Variants in TSEN2 observed in about 807,000 individuals in gnomAD.
TSEN2 encodes tRNA-splicing endonuclease subunit Sen2.
Under a neutral mutation model 59.2 loss-of-function variants are expected in TSEN2, and 54 were observed. The observed-to-expected ratio is 0.91, with a 90% CI of 0.73 to 1.14. The LOEUF (loss-of-function observed/expected upper bound fraction) is 1.14, where lower values mean the gene tolerates loss of function less well. Among genes scored for constraint, TSEN2 ranks in the 50% most tolerant of loss-of-function variants. The probability of loss-of-function intolerance (pLI) is 0.00; values close to 1 mark genes in which losing one functional copy is unlikely to be tolerated. For missense variants in TSEN2, 636 were observed against 576.2 expected (o/e 1.10, Z -1.06); for synonymous variants, 195 against 198.2 (o/e 0.98, Z 0.14).
intron 1 of TSEN2, among the ~76,000 whole-genome samples, chr3:12,487,882 T>C (rs1389817681): frequency 6.6e-6 from 1 of 152,242 alleles, no homozygotes; most frequent in African/African-American, 2.4e-5. Context: ...TAATGCTCAG[T>C]ATGTAATTCC....
intron 8 of TSEN2, among the ~76,000 whole-genome samples, chr3:12,524,353 C>T (rs549972774): frequency 4.6e-5 from 7 of 152,190 alleles, no homozygotes; most frequent in Non-Finnish European, 7.3e-5. Flanking sequence ...CATTCTGTCA[C>T]AGTTCTAGGG....
chr3:12,497,529 G>A (rs1371789497), intron 4 of TSEN2, among the ~76,000 whole-genome samples: 1 of 152,194 alleles, frequency 6.6e-6, no homozygotes, highest in Non-Finnish European at 1.5e-5. Flanking sequence ...GGAGGGACCT[G>A]CTAAGAACCT....
chr3:12,500,693 T>G (rs1373694438), intron 4 of TSEN2, among the ~76,000 whole-genome samples: 1 of 152,250 alleles, frequency 6.6e-6, no homozygotes, highest in Non-Finnish European at 1.5e-5. Flanking sequence ...TTATGGGCTA[T>G]GCACTTTACG....
At chr3:12,505,401 C>A in intron 6 of TSEN2, 170 bp downstream of exon 6, 1 of 630,656 alleles carries the variant, frequency 1.6e-6, no homozygotes. Context: ...TTTCACTCCT[C>A]AGCCTTTATT....
downstream of TSEN2, among the ~76,000 whole-genome samples, chr3:12,534,211 G>T (rs990841293): frequency 6.6e-6 from 1 of 152,220 alleles, no homozygotes; most frequent in African/African-American, 2.4e-5. Flanking sequence ...GTGGGGTGCA[G>T]CCTGAAGCCC....
At chr3:12,494,213 G>A (rs1273691949) in intron 3 of TSEN2, among the ~76,000 whole-genome samples, 1 of 151,494 alleles carries the variant, frequency 6.6e-6, no homozygotes, top group East Asian at 1.9e-4. Context: ...CATCAGGAGA[G>A]GACCTGTGGA....
Position 12,529,844 on chromosome 3 carries a change from T to C in TSEN2, c.1219T>C (p.Leu407=). The part of the protein sequence containing the change: ...RPLSWKSLAA[L]SRVSVNVSKE... ...TCTCAGTTGGAAGTCCCTGGCTGCC[T>C]TGAGCAGAGTTTCCGTTAATGTCTC... Residue 407 remains leucine, a synonymous_variant, in exon 10 of 12, where the codon TTG becomes CTG. Coordinates refer to ENST00000284995, the MANE Select transcript of TSEN2 (RefSeq NM_025265.4). The C allele has an allele frequency of 6.2e-7, 1 of 1,614,200 alleles. No homozygotes were observed. Among genetic ancestry groups the C allele is most frequent in the South Asian group, 1.1e-5 (1 of 91,080 alleles).
Position 12,531,670 on chromosome 3 carries a change from T to C in TSEN2, c.1338+11T>C. The C allele has an allele frequency of 6.6e-7, 1 of 1,525,732 alleles. No homozygotes were observed. The highest frequency in any genetic ancestry group is 2.2e-5 in the East Asian group (1 of 44,508). 94.5% of individuals were successfully genotyped at this position (1,525,732 alleles called of 1,614,324 possible). A position where few individuals can be genotyped will look rare whatever the true frequency, so the allele number is the denominator to read the frequency against. On this transcript the variant is annotated intron_variant, in intron 11 of 11. Transcript: ENST00000284995. The stretch of plus-strand genomic sequence containing the variant: ...AGGATTAAAGTTCAGGTGGGTAAAC[T>C]CAGAGAAATTCATGTCATCCCAAAG...
chr3:12,497,027 A>G (rs1178907339), intron 4 of TSEN2, among the ~76,000 whole-genome samples: 1 of 152,086 alleles, frequency 6.6e-6, no homozygotes, highest in Non-Finnish European at 1.5e-5. Context: ...TGATTCCTGC[A>G]TGTGCTCAAT....
downstream of TSEN2, among the ~76,000 whole-genome samples, chr3:12,536,427 T>C (rs1210104011): frequency 2.6e-5 from 4 of 152,082 alleles, no homozygotes; most frequent in Admixed American, 6.6e-5. Context: ...CCCATGAACA[T>C]TGATTGAGTC....
chr3:12,537,119 A>T (rs2057689620), downstream of TSEN2, among the ~76,000 whole-genome samples: 1 of 152,078 alleles, frequency 6.6e-6, no homozygotes, highest in African/African-American at 2.4e-5. Context: ...AGAAATGGGG[A>T]CCATCTAAAG....
At chr3:12,516,147 A>G (rs1227931242) in intron 6 of TSEN2, among the ~76,000 whole-genome samples, 1 of 152,154 alleles carries the variant, frequency 6.6e-6, no homozygotes, top group African/African-American at 2.4e-5. Context: ...ACTTTTGGCC[A>G]GGTGTGGTGG....
chr3:12,529,787 G>A lies in TSEN2; in HGVS notation c.1162G>A (p.Asp388Asn). The change falls in exon 10 of 12, where the codon GAT (aspartate) becomes AAT (asparagine). Residue 388 changes from aspartate (D) to asparagine (N), a missense_variant. Asp to Asn is a conservative substitution (Grantham distance 23). Transcript: ENST00000284995. ...TTATTCTGTCATTATCGAGCTAGTT[G>A]ATGACCATTTTGAAGGCTCTCTCCG... ...ASYSVIIELVDDHFEGSLRRP... is the reference protein window; with the variant it reads ...ASYSVIIELVNDHFEGSLRRP... The A allele has an allele frequency of 6.2e-7, 1 of 1,614,074 alleles. No individual in the cohort carries two copies. The highest frequency in any genetic ancestry group is 8.5e-7 in the Non-Finnish European group (1 of 1,180,012).
At chr3:12,487,180 A>G (rs2052702398) in intron 1 of TSEN2, among the ~76,000 whole-genome samples, 1 of 152,238 alleles carries the variant, frequency 6.6e-6, no homozygotes. Flanking sequence ...GCAAGGTCAC[A>G]CAATAATAAT....
At position 12,503,592 on chromosome 3, in the gene TSEN2, T is replaced by C. The variant is rs3796329; in HGVS notation, c.639T>C (p.Asp213=). The change falls in exon 5 of 12, where the codon GAT becomes GAC. Residue 213 remains aspartate, a synonymous_variant. Transcript: ENST00000284995. ...GCTTTGAGAAAAGCGTGCGAGAGGA[T>C]GCCTCACCTCTGCCCCATGTCTGTT... ...TESFEKSVRE[D]ASPLPHVCCC... 29,031 of 1,598,752 alleles carry C rather than the reference T, an allele frequency of 0.018. 501 individuals are homozygous for C. Among genetic ancestry groups the C allele is most frequent in the South Asian group, 0.056 (4,950 of 89,066 alleles).
At chr3:12,522,805 T>A (rs2056756537) in intron 8 of TSEN2, among the ~76,000 whole-genome samples, 1 of 152,174 alleles carries the variant, frequency 6.6e-6, no homozygotes, top group African/African-American at 2.4e-5. Context: ...GGTTCTCAAA[T>A]CAAGTGCAGC....
chr3:12,537,260 G>A (rs1278771416), downstream of TSEN2, among the ~76,000 whole-genome samples: 1 of 151,932 alleles, frequency 6.6e-6, no homozygotes, highest in Non-Finnish European at 1.5e-5. Context: ...TTAGCTGGGT[G>A]TGGTAGCATG....
intron 10 of TSEN2, chr3:12,530,660 G>T (rs2057400482): frequency 2.0e-6 from 2 of 985,412 alleles, no homozygotes; most frequent in Non-Finnish European, 1.2e-6. Context: ...TTTAGAGCAG[G>T]TTAGGTTGCC....
chr3:12,526,863 T>G (rs7649852), intron 8 of TSEN2, among the ~76,000 whole-genome samples: 5,003 of 152,312 alleles, frequency 0.033, 270 homozygotes, highest in African/African-American at 0.11. Context: ...TGAGCTACTT[T>G]GAAGCTGTGT....
Sources: gnomAD v4.1 joint callset for allele counts (sites outside exome capture counted in the v4.1 genomes callset) on GRCh38, gnomAD v4.1.1 for gene constraint, MANE v1.5 for transcripts, NCBI Gene and HGNC (gene_info 2026-07-23, HGNC 2026-07-21) for gene names.